Variants in ASTN1 observed in about 807,000 individuals in gnomAD.
ASTN1 encodes the protein astrotactin-1.
In ASTN1, 41 loss-of-function variants were observed where a neutral mutation model predicts 140.7. The ratio of observed to expected loss-of-function variants is 0.29; its 90% CI spans 0.23 to 0.38. ASTN1 has a LOEUF of 0.38. ASTN1 is among the 10% of genes least tolerant of loss of function. The pLI is 1.00. For synonymous variants in ASTN1, 640 were observed against 652.2 expected (o/e 0.98, Z 0.29); for missense variants, 1,479 against 1,678.8 (o/e 0.88, Z 2.08).
chr1:177,002,410 CACACACAT>C (rs1191499647), intron 8 of ASTN1, among the ~76,000 whole-genome samples: 79 of 117,550 alleles, frequency 6.7e-4, no homozygotes, highest in African/African-American at 2.4e-3. Flanking sequence ...CACACACACA[CACACACAT>C]GAACAAATCA....
At chr1:176,867,694 C>T in intron 22 of ASTN1, among the ~76,000 whole-genome samples, 1 of 152,112 alleles carries the variant, frequency 6.6e-6, no homozygotes, top group Non-Finnish European at 1.5e-5. Flanking sequence ...CCTAATTTTC[C>T]TCTTTCCTTC....
At chr1:176,948,332 T>C (rs1050305154) in intron 12 of ASTN1, among the ~76,000 whole-genome samples, 1 of 151,858 alleles carries the variant, frequency 6.6e-6, no homozygotes, top group Non-Finnish European at 1.5e-5. Flanking sequence ...GGGGGAAGGA[T>C]AGACAAGCTA....
At chr1:177,151,312 C>T (rs901086496) in intron 1 of ASTN1, among the ~76,000 whole-genome samples, 1 of 151,940 alleles carries the variant, frequency 6.6e-6, no homozygotes, top group African/African-American at 2.4e-5. Context: ...CACATGACTA[C>T]CCAGATAAGA....
chr1:176,968,462 C>T (rs1039750484), intron 8 of ASTN1, among the ~76,000 whole-genome samples: 3 of 152,246 alleles, frequency 2.0e-5, no homozygotes, highest in East Asian at 1.9e-4. Context: ...GCCAAAGCCC[C>T]GACACCCCAC....
chr1:176,887,589 ATT>A lies in ASTN1; in HGVS notation c.3074+480_3074+481del, dbSNP rs578250046. The stretch of plus-strand genomic sequence containing the variant: ...AAAATCATTCAATCCATTTGAATGC[ATT>A]TTTTTTTGTCTATTAAATGAGCAGT... On this transcript the variant is annotated intron_variant, in intron 18 of 22. Coordinates refer to ENST00000361833, the MANE Select transcript of ASTN1 (RefSeq NM_004319.3). Among the ~76,000 whole-genome samples the A allele has an allele frequency of 7.1e-4, 107 of 151,208 alleles. No individual in the cohort carries two copies. The Middle Eastern group carries it at 0.01, about 15-fold the overall frequency.
chr1:176,981,179 T>C (rs1234222409), intron 8 of ASTN1, among the ~76,000 whole-genome samples: 1 of 111,668 alleles, frequency 9.0e-6, no homozygotes, highest in Non-Finnish European at 1.6e-5. Flanking sequence ...ACCACTCAAC[T>C]CCAGCCTGGG....
chr1:177,048,483 C>T (rs531727985), intron 2 of ASTN1, among the ~76,000 whole-genome samples: 5 of 152,302 alleles, frequency 3.3e-5, no homozygotes, highest in Admixed American at 1.3e-4. Flanking sequence ...ACAATCACTT[C>T]CATAAGAAAG....
chr1:176,890,385 G>A (rs558820459), intron 17 of ASTN1, among the ~76,000 whole-genome samples: 3 of 152,262 alleles, frequency 2.0e-5, no homozygotes, highest in Admixed American at 6.5e-5. Context: ...AGTGTTCCAG[G>A]TTGAAAAAAC....
intron 14 of ASTN1, among the ~76,000 whole-genome samples, chr1:176,939,507 C>T (rs1044457418): frequency 2.0e-5 from 3 of 151,950 alleles, no homozygotes; most frequent in East Asian, 1.9e-4. Flanking sequence ...TCCATGCCTG[C>T]GTACAGATAA....
chr1:176,887,200 A>G (rs1297497883), intron 18 of ASTN1, among the ~76,000 whole-genome samples: 4 of 151,344 alleles, frequency 2.6e-5, no homozygotes, highest in Non-Finnish European at 5.9e-5. Flanking sequence ...GTTGACTGAA[A>G]TCTCATCTCT....
intron 16 of ASTN1, among the ~76,000 whole-genome samples, chr1:176,912,753 CA>C (rs1469172924): frequency 3.3e-5 from 5 of 152,042 alleles, no homozygotes; most frequent in African/African-American, 9.7e-5. Context: ...TTTCTTTAGC[CA>C]AAGGAATTTA....
At chr1:177,057,663 C>G (rs1397791303) in intron 2 of ASTN1, among the ~76,000 whole-genome samples, 1 of 151,988 alleles carries the variant, frequency 6.6e-6, no homozygotes, top group Non-Finnish European at 1.5e-5. Context: ...TTCTCTTTTT[C>G]CAATTATGCT....
Position 176,884,463 on chromosome 1 carries a change from G to C in ASTN1, c.3102C>G (p.Pro1034=). The C allele has an allele frequency of 6.2e-7, 1 of 1,613,698 alleles. No individual in the cohort carries two copies. Among genetic ancestry groups the C allele is most frequent in the East Asian group, 2.2e-5 (1 of 44,850 alleles). The change falls in exon 19 of 23, where the codon CCC becomes CCG. Residue 1034 remains proline (P), a synonymous_variant. Coordinates refer to ENST00000361833, the MANE Select transcript of ASTN1 (RefSeq NM_004319.3). The part of the protein sequence containing the change: ...PVLRLSTVHE[P]SSTLVVLEWE... Reference sequence around the variant, plus strand: ...ACTCCAGGACCACAAGAGTGCTGCTGGGCTCGTGAACCGTGGAGAGTCTCA... The same window carrying C: ...ACTCCAGGACCACAAGAGTGCTGCTCGGCTCGTGAACCGTGGAGAGTCTCA...
At chr1:177,089,098 T>C (rs1279677539) in intron 1 of ASTN1, among the ~76,000 whole-genome samples, 1 of 152,178 alleles carries the variant, frequency 6.6e-6, no homozygotes, top group Non-Finnish European at 1.5e-5. Context: ...CTGATTTTTC[T>C]TGGCTATATA....
Position 176,964,265 on chromosome 1 carries a change from T to A in ASTN1, c.1598+898A>T, listed in dbSNP as rs545679749. ...TCCATTTGTCCTACGCTGCTCACCA[T>A]TTGTCCAGAAAAGGCATGCAGTAGC... On this transcript the variant is annotated intron_variant, in intron 9 of 22. Transcript: ENST00000361833. Among the ~76,000 whole-genome samples, 28 of 152,314 alleles carry A rather than the reference T, an allele frequency of 1.8e-4. No homozygotes were observed. The South Asian group carries it at 3.9e-3, about 21-fold the overall frequency.
chr1:176,961,740 A>G (rs1275425887), intron 9 of ASTN1, among the ~76,000 whole-genome samples: 3 of 152,200 alleles, frequency 2.0e-5, no homozygotes, highest in Non-Finnish European at 4.4e-5. Flanking sequence ...CTGTCAGAGA[A>G]AAGCTGTGTC....
At chr1:177,053,729 C>A (rs1285584199) in intron 2 of ASTN1, among the ~76,000 whole-genome samples, 3 of 152,186 alleles carry the variant, frequency 2.0e-5, no homozygotes, top group African/African-American at 7.2e-5. Context: ...AAGCTAAGTT[C>A]ATTGTTACAT....
chr1:177,009,928 T>C (rs899322116), intron 8 of ASTN1, among the ~76,000 whole-genome samples: 8 of 152,192 alleles, frequency 5.3e-5, no homozygotes, highest in Non-Finnish European at 1.0e-4. Context: ...GTATCTGAGA[T>C]GCCAGAATAA....
rs373519785 is a variant in ASTN1 at position 176,956,533 on chromosome 1, A to G, written c.1887+1145T>C. Reference sequence around the variant, plus strand: ...AAAGCACAGCTGTCAGACTGGAAAGAGAGATGGGGCACCATATCCTCCCCA... The same window carrying G: ...AAAGCACAGCTGTCAGACTGGAAAGGGAGATGGGGCACCATATCCTCCCCA... On this transcript the variant is annotated intron_variant, in intron 11 of 22. Coordinates refer to ENST00000361833, the MANE Select transcript of ASTN1 (RefSeq NM_004319.3). Among the ~76,000 whole-genome samples, 41 of 152,262 alleles carry G rather than the reference A, an allele frequency of 2.7e-4. No individual in the cohort carries two copies. The East Asian group carries it at 3.3e-3, about 12-fold the overall frequency.
Sources: allele counts gnomAD v4.1 joint callset (sites outside exome capture counted in the v4.1 genomes callset), GRCh38; gene constraint gnomAD v4.1.1; transcripts MANE v1.5; gene names NCBI Gene and HGNC (gene_info 2026-07-23, HGNC 2026-07-21).